Variants in ST6GALNAC3 observed in about 807,000 individuals in gnomAD.
The protein encoded by ST6GALNAC3 is alpha-N-acetylgalactosaminide alpha-2,6-sialyltransferase 3.
In ST6GALNAC3, 25 loss-of-function variants were observed where a neutral mutation model predicts 32.7. The observed-to-expected ratio is 0.76, with a 90% CI of 0.56 to 1.07. The LOEUF is 1.07. Among genes scored for constraint, ST6GALNAC3 ranks in the 50% least tolerant of loss-of-function variants. ST6GALNAC3 has a pLI of 0.00. For synonymous variants in ST6GALNAC3, 129 were observed against 133.1 expected (o/e 0.97, Z 0.21); for missense variants, 355 against 382.4 (o/e 0.93, Z 0.60).
intron 1 of ST6GALNAC3, among the ~76,000 whole-genome samples, chr1:76,136,241 G>T (rs903513150): frequency 3.9e-5 from 6 of 152,200 alleles, no homozygotes; most frequent in Non-Finnish European, 5.9e-5. Flanking sequence ...CTGGTCAACA[G>T]CTGTTTTAAA....
At chr1:76,553,334 A>G (rs561658057) in intron 3 of ST6GALNAC3, among the ~76,000 whole-genome samples, 31 of 143,372 alleles carry the variant, frequency 2.2e-4, no homozygotes, top group African/African-American at 7.9e-4. Flanking sequence ...TGTTAGCTCT[A>G]CTTATTTTGG....
chr1:76,338,209 G>C (rs1647664314), intron 2 of ST6GALNAC3, among the ~76,000 whole-genome samples: 1 of 152,188 alleles, frequency 6.6e-6, no homozygotes, highest in Admixed American at 6.5e-5. Context: ...TCTGCCAGGA[G>C]AGGAGGTTTT....
At chr1:76,528,529 G>T (rs185004860) in intron 3 of ST6GALNAC3, among the ~76,000 whole-genome samples, 1 of 152,080 alleles carries the variant, frequency 6.6e-6, no homozygotes, top group Non-Finnish European at 1.5e-5. Flanking sequence ...CTAACCAGAC[G>T]CATACATAGT....
intron 1 of ST6GALNAC3, among the ~76,000 whole-genome samples, chr1:76,112,855 T>C (rs1047024439): frequency 7.1e-6 from 1 of 140,036 alleles, no homozygotes; most frequent in African/African-American, 2.8e-5. Flanking sequence ...CTTTCCAGAC[T>C]GGGCAGCCAG....
At chr1:76,416,622 G>GTTTTTTTTT (rs1431727778) in intron 3 of ST6GALNAC3, among the ~76,000 whole-genome samples, 1 of 99,864 alleles carries the variant, frequency 1.0e-5, no homozygotes, top group African/African-American at 3.6e-5. Flanking sequence ...AGTATTGTGG[G>GTTTTTTTTT]TTTTGTTTTT....
intron 1 of ST6GALNAC3, among the ~76,000 whole-genome samples, chr1:76,257,279 T>A (rs1657974070): frequency 1.3e-5 from 2 of 152,122 alleles, no homozygotes; most frequent in South Asian, 4.1e-4. Context: ...ACAAATTCAT[T>A]TTATAGGAAT....
intron 1 of ST6GALNAC3, among the ~76,000 whole-genome samples, chr1:76,159,284 G>T (rs549284502): frequency 4.3e-4 from 66 of 152,284 alleles, no homozygotes; most frequent in African/African-American, 1.4e-3. Flanking sequence ...TGCCTCCCAG[G>T]TTCAAGAGAT....
Position 76,601,623 on chromosome 1 carries a change from C to A in ST6GALNAC3, c.624-25829C>A, listed in dbSNP as rs149516896. ...CTATGCTGTATTTCATTAACCCTCA[C>A]AACAACCTAATGAGGTAGGGATAAT... On this transcript the variant is annotated intron_variant, in intron 3 of 4. Transcript: ENST00000328299. Among the ~76,000 whole-genome samples, 207 of 152,316 alleles carry A rather than the reference C, an allele frequency of 1.4e-3. 1 individual carries two copies. Among genetic ancestry groups the A allele is most frequent in the African/African-American group, 3.2e-3 (133 of 41,562 alleles).
rs35866506 is a variant in ST6GALNAC3 at position 76,215,506 on chromosome 1, G to A, written c.19-98299G>A. 3.9e-5 allele frequency among the ~76,000 whole-genome samples: 6 copies of A among 152,264 alleles called. No individual in the cohort carries two copies. The South Asian group carries it at 1.0e-3, about 26-fold the overall frequency. ...ATATTTCATGCCCCTCCCCTGCCCC[G>A]GGTGATCCTAATTTGAGAACCACTG... On this transcript the variant is annotated intron_variant, in intron 1 of 4. Transcript: ENST00000328299.
intron 3 of ST6GALNAC3, among the ~76,000 whole-genome samples, chr1:76,510,283 T>C (rs1422908262): frequency 6.6e-6 from 1 of 152,140 alleles, no homozygotes; most frequent in Non-Finnish European, 1.5e-5. Flanking sequence ...GGCATGATTA[T>C]GAGCTAAAAA....
At chr1:76,538,967 A>G (rs990079205) in intron 3 of ST6GALNAC3, among the ~76,000 whole-genome samples, 4 of 152,216 alleles carry the variant, frequency 2.6e-5, no homozygotes, top group African/African-American at 9.7e-5. Context: ...ATTCAATGCT[A>G]TTCCCATTAA....
At chr1:76,570,342 T>C (rs1665787883) in intron 3 of ST6GALNAC3, among the ~76,000 whole-genome samples, 1 of 152,008 alleles carries the variant, frequency 6.6e-6, no homozygotes, top group African/African-American at 2.4e-5. Context: ...TCCTTCCCTC[T>C]CTTCTTCCTT....
At chr1:76,497,617 T>C (rs914430619) in intron 3 of ST6GALNAC3, among the ~76,000 whole-genome samples, 1 of 152,192 alleles carries the variant, frequency 6.6e-6, no homozygotes, top group African/African-American at 2.4e-5. Flanking sequence ...TCCCGTTACT[T>C]GGCTAAAGAG....
chr1:76,380,064 A>G (rs544673990), intron 2 of ST6GALNAC3, among the ~76,000 whole-genome samples: 2 of 152,306 alleles, frequency 1.3e-5, no homozygotes, highest in South Asian at 2.1e-4. Context: ...ATCAATCTAC[A>G]TTAAGAAAAA....
intron 3 of ST6GALNAC3, among the ~76,000 whole-genome samples, chr1:76,491,126 G>T (rs1660473608): frequency 6.6e-6 from 1 of 152,104 alleles, no homozygotes; most frequent in Admixed American, 6.6e-5. Flanking sequence ...CCAAAGTGCT[G>T]GGATTACAGG....
intron 3 of ST6GALNAC3, among the ~76,000 whole-genome samples, chr1:76,570,885 G>A (rs987455738): frequency 1.3e-5 from 2 of 151,802 alleles, no homozygotes; most frequent in Admixed American, 1.3e-4. Flanking sequence ...ATGTCCTTAG[G>A]TGCCACTTCT....
At chr1:76,322,327 C>A (rs908793198) in intron 2 of ST6GALNAC3, among the ~76,000 whole-genome samples, 1 of 152,072 alleles carries the variant, frequency 6.6e-6, no homozygotes, top group Admixed American at 6.6e-5. Context: ...TTGAAAAGTG[C>A]TTATTCTGTT....
chr1:76,553,282 G>A (rs976718529), intron 3 of ST6GALNAC3, among the ~76,000 whole-genome samples: 10 of 152,104 alleles, frequency 6.6e-5, no homozygotes, highest in Admixed American at 3.9e-4. Context: ...GTGTATAATA[G>A]TAACAAAAGA....
At chr1:76,583,641 C>T (rs542243984) in intron 3 of ST6GALNAC3, among the ~76,000 whole-genome samples, 1 of 152,106 alleles carries the variant, frequency 6.6e-6, no homozygotes, top group South Asian at 2.1e-4. Context: ...TGAAAGAGTG[C>T]CTGCCGCTGT....
Sources: gnomAD v4.1 joint callset for allele counts (sites outside exome capture counted in the v4.1 genomes callset) on GRCh38, gnomAD v4.1.1 for gene constraint, MANE v1.5 for transcripts, NCBI Gene and HGNC (gene_info 2026-07-23, HGNC 2026-07-21) for gene names.